Variants in SVIL observed in about 807,000 individuals in gnomAD.
SVIL encodes the protein archvillin.
In SVIL, 101 loss-of-function variants were observed where a neutral mutation model predicts 240.4. That is an observed-to-expected ratio of 0.42 (90% CI 0.36 to 0.50). The LOEUF (loss-of-function observed/expected upper bound fraction) is 0.50. Ranked by LOEUF, SVIL falls within the 20% of genes least tolerant of loss-of-function variation. The pLI is 0.01. For synonymous variants in SVIL, 999 were observed against 1,100.0 expected, an observed-to-expected ratio of 0.91 and a Z score of 1.82; for missense variants, 2,512 against 2,818.7, an observed-to-expected ratio of 0.89 and a Z score of 2.46.
chr10:29,512,574 C>T (rs571283826), intron 17 of SVIL, among the ~76,000 whole-genome samples, 161 bp downstream of exon 17: 1 of 152,288 alleles, frequency 6.6e-6, no homozygotes, highest in East Asian at 1.9e-4. Context: ...GCCTTCTGCC[C>T]AATTTTAGCT....
intron 1 of SVIL, among the ~76,000 whole-genome samples, chr10:29,584,687 G>C (rs1956090925): frequency 6.6e-6 from 1 of 152,128 alleles, no homozygotes; most frequent in African/African-American, 2.4e-5. Context: ...CCATGGAGTC[G>C]ACACGGGTTC....
At chr10:29,707,692 T>C (rs1359802485) in intron 1 of SVIL, among the ~76,000 whole-genome samples, 1 of 152,182 alleles carries the variant, frequency 6.6e-6, no homozygotes, top group East Asian at 1.9e-4. Flanking sequence ...AAATGGATTA[T>C]AATCAGTTTA....
At chr10:29,674,292 C>T (rs1960033503) in intron 2 of SVIL, among the ~76,000 whole-genome samples, 1 of 152,130 alleles carries the variant, frequency 6.6e-6, no homozygotes, top group Non-Finnish European at 1.5e-5. Flanking sequence ...CTGTGATCCA[C>T]TGCACTCCAG....
intron 1 of SVIL, among the ~76,000 whole-genome samples, chr10:29,570,980 A>G (rs1274513776): frequency 6.6e-6 from 1 of 152,242 alleles, no homozygotes; most frequent in East Asian, 1.9e-4. Flanking sequence ...TGTTTCTCAG[A>G]GAATTTGAAA....
In SVIL at chr10:29,551,010, C is replaced by G. The variant is rs752234530; in HGVS notation, c.414G>C (p.Lys138Asn). The G allele has an allele frequency of 1.2e-6, 2 of 1,614,154 alleles. No homozygotes were observed. The highest frequency in any genetic ancestry group is 4.5e-5 in the East Asian group (2 of 44,876). Residue 138 changes from lysine (K) to asparagine (N), a missense_variant, in exon 6 of 38, where the codon AAG becomes AAC. Transcript: ENST00000355867. ...ADSEYLSRYTKSRKEPDAVEK... is the reference protein window; with the variant it reads ...ADSEYLSRYTNSRKEPDAVEK... ...CGACAGCATCAGGCTCCTTCCTGGA[C>G]TTGGTATAGCGGGATAAATACTCGG...
chr10:29,530,627 C>A lies in SVIL; in HGVS notation c.2086G>T (p.Ala696Ser), dbSNP rs777491012. The A allele has an allele frequency of 1.9e-6, 3 of 1,613,924 alleles. No homozygotes were observed. The highest frequency in any genetic ancestry group is 2.7e-5 in the African/African-American group (2 of 74,890). Reference sequence around the variant, plus strand: ...CTTACCCTGAAAAGCAACCTCTTGGCGGCGACGCTCAGCTTGGCTCGTTCA... The same window carrying A: ...CTTACCCTGAAAAGCAACCTCTTGGAGGCGACGCTCAGCTTGGCTCGTTCA... ...VDERAKLSVA[A>S]KRLLFREMEK... The change falls in exon 11 of 38, where the codon GCC becomes TCC. Residue 696 changes from alanine to serine, a missense_variant. Physicochemically the swap from Ala to Ser is moderately conservative, Grantham distance 99 (BLOSUM62 1). This residue lies in a region of SVIL where 1,443 missense variants were observed against 1,486.6 expected (regional missense o/e 0.97). Coordinates refer to ENST00000355867, the MANE Select transcript of SVIL (RefSeq NM_021738.3).
intron 6 of SVIL, among the ~76,000 whole-genome samples, chr10:29,537,557 A>G (rs1177557416): frequency 6.6e-6 from 1 of 152,246 alleles, no homozygotes; most frequent in Non-Finnish European, 1.5e-5. Flanking sequence ...TAGAAAGAAA[A>G]AAAGGAAATT....
At chr10:29,513,268 TG>T (rs1431549379) in intron 16 of SVIL, among the ~76,000 whole-genome samples, 3 of 152,304 alleles carry the variant, frequency 2.0e-5, no homozygotes, top group African/African-American at 7.2e-5. Flanking sequence ...GATGCAGACA[TG>T]GGCTTAAAAA....
intron 35 of SVIL, 135 bp from the exon 36 acceptor site, chr10:29,462,536 C>G: frequency 2.6e-6 from 3 of 1,164,672 alleles, no homozygotes; most frequent in Non-Finnish European, 3.6e-6. Flanking sequence ...TAGTTCATAA[C>G]AACACATGGA....
chr10:29,458,421 A>G lies in SVIL; in HGVS notation c.6558+13T>C, dbSNP rs771576311. The stretch of plus-strand genomic sequence containing the variant: ...TTTACTCCCATCCCCACCCCACCGG[A>G]AGAACCGCTTACCTCGAAGTCTTCG... On this transcript the variant is annotated intron_variant, in intron 37 of 37. Transcript: ENST00000355867. 1.3e-6 allele frequency: 2 copies of G among 1,593,596 alleles called. No individual in the cohort carries two copies. Among genetic ancestry groups the G allele is most frequent in the South Asian group, 2.3e-5 (2 of 88,382 alleles).
intron 17 of SVIL, among the ~76,000 whole-genome samples, chr10:29,509,850 CA>C (rs1030318992): frequency 7.4e-5 from 11 of 148,622 alleles, no homozygotes; most frequent in South Asian, 2.1e-4. Flanking sequence ...AACTTTGTCT[CA>C]AAAAAAAAAG....
chr10:29,694,276 G>A (rs1405398148), intron 1 of SVIL, among the ~76,000 whole-genome samples: 16 of 151,012 alleles, frequency 1.1e-4, no homozygotes, highest in Admixed American at 1.1e-3. Flanking sequence ...AGCCAGGCAT[G>A]GTAGCACATG....
rs955447761 is a variant in SVIL, at chr10:29,713,980, C to T, written c.-400+21771G>A. Among the ~76,000 whole-genome samples, 4 of 152,286 alleles carry T rather than the reference C, an allele frequency of 2.6e-5. No individual in the cohort carries two copies. The South Asian group carries it at 8.3e-4, about 32-fold the overall frequency. On this transcript the variant is annotated intron_variant, in intron 1 of 35. Transcript: ENST00000375400. Reference sequence around the variant, plus strand: ...CATTTCTCCAATTTCCATGGATATACTGGAGAAGCACCCAATCAATGATAT... The same window carrying T: ...CATTTCTCCAATTTCCATGGATATATTGGAGAAGCACCCAATCAATGATAT...
chr10:29,616,012 T>C (rs1345885482), intron 1 of SVIL, among the ~76,000 whole-genome samples: 1 of 152,366 alleles, frequency 6.6e-6, no homozygotes, highest in Non-Finnish European at 1.5e-5. Context: ...CTTATACAGA[T>C]GACCAAATTT....
chr10:29,702,277 G>C (rs1962577557), intron 1 of SVIL, among the ~76,000 whole-genome samples: 1 of 148,892 alleles, frequency 6.7e-6, no homozygotes, highest in South Asian at 2.1e-4. Flanking sequence ...GCTACATTTT[G>C]AATAAATGTT....
At chr10:29,494,115 C>T (rs1948213701) in intron 20 of SVIL, among the ~76,000 whole-genome samples, 1 of 152,084 alleles carries the variant, frequency 6.6e-6, no homozygotes, top group South Asian at 2.1e-4. Context: ...CTACAGTGAG[C>T]TATGATGGCA....
chr10:29,651,263 A>G (rs1958825968), intron 3 of SVIL, among the ~76,000 whole-genome samples: 1 of 152,196 alleles, frequency 6.6e-6, no homozygotes, highest in African/African-American at 2.4e-5. Context: ...ATTTCAGCAG[A>G]GCAGGTAAAG....
chr10:29,526,139 A>G (rs1165851774), intron 13 of SVIL, among the ~76,000 whole-genome samples: 1 of 152,188 alleles, frequency 6.6e-6, no homozygotes, highest in Non-Finnish European at 1.5e-5. Context: ...TTATTTTCCC[A>G]GTCCCAAAAT....
intron 3 of SVIL, among the ~76,000 whole-genome samples, chr10:29,562,758 C>CTCAAAAAAAAGAAAAAAAAAAAA (rs1206834821): frequency 9.2e-6 from 1 of 108,988 alleles, no homozygotes; most frequent in Non-Finnish European, 1.7e-5. Context: ...GAGACTCCGT[C>CTCAAAAAAAAGAAAAAAAAAAAA]TCAAAAAAAA....
Sources: gnomAD v4.1 joint callset for allele counts (sites outside exome capture counted in the v4.1 genomes callset) on GRCh38, gnomAD v4.1.1 for gene constraint, gnomAD v4.1.1 regional missense constraint, MANE v1.5 for transcripts, NCBI Gene and HGNC (gene_info 2026-07-23, HGNC 2026-07-21) for gene names.